The following TBC1D23 variants were observed in gnomAD, a reference collection of about 807,000 sequenced individuals.
TBC1D23 encodes the protein TBC1 domain family member 23.
Under a neutral mutation model 91.4 loss-of-function variants are expected in TBC1D23, and 55 were observed. The observed-to-expected ratio is 0.60, with a 90% CI of 0.48 to 0.75. The LOEUF (loss-of-function observed/expected upper bound fraction) is 0.75. TBC1D23 is among the 30% of genes least tolerant of loss of function. TBC1D23 has a pLI of 0.00. For missense variants in TBC1D23, 725 were observed against 836.1 expected (o/e 0.87, Z 1.64); for synonymous variants, 289 against 281.0 (o/e 1.03, Z -0.28).
At chr3:100,282,221 A>T (rs2067701302) in intron 3 of TBC1D23, among the ~76,000 whole-genome samples, 1 of 152,232 alleles carries the variant, frequency 6.6e-6, no homozygotes, top group Non-Finnish European at 1.5e-5. Flanking sequence ...CTGAGGCAGG[A>T]GAACTGCTTG....
intron 2 of TBC1D23, 80 bp from the exon 3 acceptor site, chr3:100,281,662 G>T: frequency 1.2e-6 from 1 of 832,382 alleles, no homozygotes; most frequent in African/African-American, 1.7e-5. Flanking sequence ...TTTAAATTCA[G>T]GCCTTTAATT....
chr3:100,282,937 T>G (rs1465519952), intron 3 of TBC1D23, among the ~76,000 whole-genome samples: 4 of 152,258 alleles, frequency 2.6e-5, no homozygotes. Flanking sequence ...TACTAAGTGC[T>G]AATGTTTAGT....
At position 100,283,671 on chromosome 3, in the gene TBC1D23, C is replaced by A. The variant is rs752842795; in HGVS notation, c.336C>A (p.Thr112=). Residue 112 remains threonine, a synonymous_variant, in exon 4 of 19, where the codon ACC becomes ACA. Coordinates refer to ENST00000394144, the MANE Select transcript of TBC1D23 (RefSeq NM_001199198.3). ...TTTTGGATATTGAATCTGTAATTAC[C>A]TTTTATTGTAAATCACGTAACATTA... is the stretch of plus-strand genomic sequence containing the variant. ...ELLLDIESVI[T]FYCKSRNIKY... is the part of the protein sequence containing the mutation. 1 of 1,613,380 alleles carries A rather than the reference C, an allele frequency of 6.2e-7. No homozygotes were observed. Among genetic ancestry groups the A allele is most frequent in the Non-Finnish European group, 8.5e-7 (1 of 1,179,408 alleles).
intron 3 of TBC1D23, among the ~76,000 whole-genome samples, chr3:100,282,784 C>G (rs2067705813): frequency 6.6e-6 from 1 of 152,176 alleles, no homozygotes; most frequent in Admixed American, 6.5e-5. Flanking sequence ...AAAATTATAG[C>G]AACAACTGCC....
chr3:100,289,785 C>T (rs998379534), intron 4 of TBC1D23, among the ~76,000 whole-genome samples: 31 of 152,108 alleles, frequency 2.0e-4, no homozygotes, highest in African/African-American at 7.2e-4. Context: ...TTTAGGGGTA[C>T]GTGTGCAGGT....
rs1381282815 is a variant in TBC1D23 at position 100,322,261 on chromosome 3, AT to A, written c.2018+1297del. On this transcript the variant is annotated intron_variant, in intron 18 of 18. Transcript: ENST00000394144. ...AGGCGCCCGCCACCATGCCCAGCTAATTTTTTTATTTTTAGTAGAGATGGGG... is the reference window on the plus strand; with the variant it reads ...AGGCGCCCGCCACCATGCCCAGCTAATTTTTTATTTTTAGTAGAGATGGGG... 1.1e-4 allele frequency among the ~76,000 whole-genome samples: 16 copies of A among 152,034 alleles called. 1 individual carries two copies. In the South Asian group the frequency reaches 1.7e-3, roughly 16 times the overall value.
At chr3:100,281,208 C>A (rs542609015) in intron 2 of TBC1D23, among the ~76,000 whole-genome samples, 3 of 152,050 alleles carry the variant, frequency 2.0e-5, no homozygotes, top group South Asian at 4.1e-4. Context: ...AAAATAATTT[C>A]TTCAGTTGTC....
At chr3:100,263,805 C>T (rs1408208590) in intron 1 of TBC1D23, among the ~76,000 whole-genome samples, 1 of 152,062 alleles carries the variant, frequency 6.6e-6, no homozygotes, top group Non-Finnish European at 1.5e-5. Flanking sequence ...GTTAAGGTGC[C>T]TCTGGGGAGT....
At chr3:100,301,814 T>C (rs993871826) in intron 10 of TBC1D23, 6 of 363,666 alleles carry the variant, frequency 1.6e-5, no homozygotes, top group Non-Finnish European at 2.9e-5. Context: ...AACAAACAGT[T>C]TTTCTCTAGT....
chr3:100,304,853 A>G lies in TBC1D23; in HGVS notation c.1271A>G (p.Lys424Arg), dbSNP rs1374400990. 1 of 1,492,456 alleles carries G rather than the reference A, an allele frequency of 6.7e-7. No homozygotes were observed. The highest frequency in any genetic ancestry group is 1.7e-5 in the Admixed American group (1 of 58,660). The allele number at this position is 1,492,456 out of a possible 1,614,324, so 92.5% of individuals were successfully genotyped here. The change falls in exon 12 of 19, where the codon AAA becomes AGA. Residue 424 changes from lysine (K) to arginine (R), a missense_variant. Physicochemically the swap from Lys to Arg is conservative, Grantham distance 26. Coordinates refer to ENST00000394144, the MANE Select transcript of TBC1D23 (RefSeq NM_001199198.3). ...MVLAHFLQKN[K>R]EYVSIASGGF... Reference sequence around the variant, plus strand: ...TTTTCTTTTCCATTACAGAAAAACAAAGAATATGTGAGTATTGCCAGTGGA... The same window carrying G: ...TTTTCTTTTCCATTACAGAAAAACAGAGAATATGTGAGTATTGCCAGTGGA...
At position 100,263,608 on chromosome 3, in the gene TBC1D23, A is replaced by G. The variant is rs548157849; in HGVS notation, c.53+2537A>G. The stretch of plus-strand genomic sequence containing the variant: ...AGAGAAAAAAGAAAAATAGATCTGG[A>G]AAAATAGTAAAAAAGTTTTTAACTA... On this transcript the variant is annotated intron_variant, in intron 1 of 18. Transcript: ENST00000394144. 3.9e-5 allele frequency among the ~76,000 whole-genome samples: 6 copies of G among 152,366 alleles called. No homozygotes were observed. In the East Asian group the frequency reaches 1.2e-3, roughly 29 times the overall value.
In TBC1D23 at chr3:100,296,253, A is replaced by C; in HGVS notation, c.854A>C (p.Lys285Thr). 6.2e-7 allele frequency: 1 copy of C among 1,603,402 alleles called. No individual in the cohort carries two copies. The change falls in exon 8 of 19, where the codon AAA (lysine) becomes ACA (threonine). Residue 285 changes from lysine to threonine, a missense_variant. Physicochemically the swap from Lys to Thr is moderately conservative, Grantham distance 78 (BLOSUM62 -1). Transcript: ENST00000394144. ...LFSLAQYYCS[K>T]TPASFRKDNH... is the part of the protein sequence containing the mutation. The stretch of plus-strand genomic sequence containing the variant: ...TCTCTGGCTCAGTATTATTGCAGCA[A>C]AACACCGGCTTCTTTTAGGAAGGTA...
chr3:100,272,337 G>A (rs1172675954), intron 1 of TBC1D23, among the ~76,000 whole-genome samples: 2 of 152,194 alleles, frequency 1.3e-5, no homozygotes. Flanking sequence ...CGCTAGAGAA[G>A]TAATATGTTT....
intron 10 of TBC1D23, among the ~76,000 whole-genome samples, chr3:100,300,595 A>G (rs2148864139): frequency 6.9e-6 from 1 of 145,420 alleles, no homozygotes; most frequent in Non-Finnish European, 1.5e-5. Context: ...TCAGCCTCCC[A>G]GGTTCTGGCG....
At chr3:100,261,263 C>T in intron 1 of TBC1D23, 192 bp downstream of exon 1, 2 of 599,584 alleles carry the variant, frequency 3.3e-6, no homozygotes, top group Non-Finnish European at 5.9e-6. Flanking sequence ...GGGACTGGGG[C>T]GGGACTCCCA....
intron 16 of TBC1D23, among the ~76,000 whole-genome samples, chr3:100,317,842 CTG>C (rs1197245057): frequency 1.3e-5 from 2 of 152,036 alleles, no homozygotes. Flanking sequence ...AGTGAGAAAA[CTG>C]AAACTATGTG....
At chr3:100,307,009 G>A (rs1705528319) in intron 13 of TBC1D23, among the ~76,000 whole-genome samples, 1 of 152,198 alleles carries the variant, frequency 6.6e-6, no homozygotes, top group Non-Finnish European at 1.5e-5. Context: ...AGACTTAAAT[G>A]ATTTGGACTT....
intron 17 of TBC1D23, among the ~76,000 whole-genome samples, chr3:100,320,087 G>T (rs188645810): frequency 3.9e-5 from 6 of 152,036 alleles, no homozygotes; most frequent in Admixed American, 3.9e-4. Flanking sequence ...TGTGTCTTTA[G>T]TCTCACCCTG....
In TBC1D23 at chr3:100,295,861, A is replaced by G. The variant is rs910889525; in HGVS notation, c.773-311A>G. ...GACAAAGTTCTTTAAGTCAGTAACT[A>G]TTTCTTAGGCATTTTTTATGTTCAG... On this transcript the variant is annotated intron_variant, in intron 7 of 18. Coordinates refer to ENST00000394144, the MANE Select transcript of TBC1D23 (RefSeq NM_001199198.3). Among the ~76,000 whole-genome samples the G allele has an allele frequency of 1.3e-5, 2 of 152,260 alleles. 1 individual carries two copies. The highest frequency in any genetic ancestry group is 1.3e-4 in the Admixed American group (2 of 15,298).
Sources: allele counts gnomAD v4.1 joint callset (sites outside exome capture counted in the v4.1 genomes callset), GRCh38; gene constraint gnomAD v4.1.1; transcripts MANE v1.5; gene names NCBI Gene and HGNC (gene_info 2026-07-23, HGNC 2026-07-21).